GALNT2: variants seen among roughly 807,000 people sequenced by gnomAD.
GALNT2 encodes polypeptide N-acetylgalactosaminyltransferase 2, also known as UDP-GalNAc:polypeptide N-acetylgalactosaminyltransferase 2.
Under a neutral mutation model 81.4 loss-of-function variants are expected in GALNT2, and 31 were observed. The ratio of observed to expected loss-of-function variants is 0.38; its 90% CI spans 0.29 to 0.51. GALNT2 has a LOEUF of 0.51. Ranked by LOEUF, GALNT2 falls within the 20% of genes least tolerant of loss-of-function variation. The pLI is 0.87. For synonymous variants in GALNT2, 303 were observed against 287.4 expected, an observed-to-expected ratio of 1.05 and a Z score of -0.55; for missense variants, 629 against 765.7, an observed-to-expected ratio of 0.82 and a Z score of 2.11.
chr1:230,153,377 C>T (rs978372895), intron 1 of GALNT2, among the ~76,000 whole-genome samples: 3 of 152,238 alleles, frequency 2.0e-5, no homozygotes, highest in African/African-American at 7.2e-5. Context: ...TGGACACCTA[C>T]ACACTTAAAC....
rs1313929123 is a variant in GALNT2, at chr1:230,275,948, A to G, written c.1560+1384A>G. On this transcript the variant is annotated intron_variant, in intron 15 of 15. Transcript: ENST00000366672. This position sits in a 1 kb window ranked among gnomAD's most constrained non-coding sequence, Gnocchi z 5.5. ...ATACATACATATATACATGCCACAT[A>G]TATATACGTATATATACATGCCACA... Among the ~76,000 whole-genome samples the G allele has an allele frequency of 3.3e-5, 5 of 150,230 alleles. No homozygotes were observed. Among genetic ancestry groups the G allele is most frequent in the Non-Finnish European group, 7.4e-5 (5 of 67,672 alleles).
At chr1:230,259,791 T>C (rs1665823883) in intron 11 of GALNT2, 1 of 152,238 alleles carries the variant, frequency 6.6e-6, no homozygotes, top group Non-Finnish European at 1.5e-5. Flanking sequence ...AAGGCCAATC[T>C]TACGTTCTGC....
At chr1:230,059,360 G>A (rs1658989209) in intron 1 of GALNT2, among the ~76,000 whole-genome samples, 1 of 152,218 alleles carries the variant, frequency 6.6e-6, no homozygotes, top group African/African-American at 2.4e-5. Context: ...GACAGCCACG[G>A]TGCTGAACAG....
intron 1 of GALNT2, among the ~76,000 whole-genome samples, chr1:230,091,283 C>T (rs1660069454): frequency 6.6e-6 from 1 of 151,804 alleles, no homozygotes; most frequent in Non-Finnish European, 1.5e-5. Flanking sequence ...ACCGTGTTGG[C>T]CAGGATGGTC....
At chr1:230,167,182 G>A (rs757092448) in intron 1 of GALNT2, among the ~76,000 whole-genome samples, 6 of 151,166 alleles carry the variant, frequency 4.0e-5, no homozygotes, top group African/African-American at 7.3e-5. Context: ...CTCTTACTCT[G>A]TTGCCCAGGC....
intron 2 of GALNT2, among the ~76,000 whole-genome samples, chr1:230,178,853 C>T (rs146886292): frequency 7.2e-5 from 11 of 152,224 alleles, no homozygotes; most frequent in Middle Eastern, 6.8e-3. Context: ...TGCATAATGG[C>T]GTTTAGCCGC....
chr1:230,144,850 TTGGGGCAGAGGTTA>T (rs1661864284), intron 1 of GALNT2, among the ~76,000 whole-genome samples: 1 of 152,084 alleles, frequency 6.6e-6, no homozygotes, highest in Middle Eastern at 3.2e-3. Flanking sequence ...GGTGGTTGAT[TTGGGGCAGAGGTTA>T]TGGTGTTGCT....
chr1:230,130,366 A>G lies in GALNT2; in HGVS notation c.127-47852A>G, dbSNP rs376889566. 1.8e-4 allele frequency among the ~76,000 whole-genome samples: 28 copies of G among 152,292 alleles called. 1 individual carries two copies. The South Asian group carries it at 5.8e-3, about 32-fold the overall frequency. On this transcript the variant is annotated intron_variant, in intron 1 of 15. Coordinates refer to ENST00000366672, the MANE Select transcript of GALNT2 (RefSeq NM_004481.5). ...AGAAGCACTTAGCATGGGGTCTGGC[A>G]CTTAGAAAGCACTCACTAGATGCTC...
chr1:230,166,239 A>G (rs1010963821), intron 1 of GALNT2, among the ~76,000 whole-genome samples: 19 of 152,378 alleles, frequency 1.2e-4, no homozygotes, highest in African/African-American at 4.6e-4. Context: ...AATGTTAATG[A>G]GAAAATGTAC....
At chr1:230,229,340 A>T (rs147610891) in intron 3 of GALNT2, among the ~76,000 whole-genome samples, 6 of 152,240 alleles carry the variant, frequency 3.9e-5, no homozygotes, top group African/African-American at 1.4e-4. Flanking sequence ...ATAAGATGAT[A>T]TGTGGCCTCT....
At chr1:230,096,050 G>A (rs1660246752) in intron 1 of GALNT2, among the ~76,000 whole-genome samples, 1 of 152,226 alleles carries the variant, frequency 6.6e-6, no homozygotes, top group Non-Finnish European at 1.5e-5. Flanking sequence ...TGTGGGCCTG[G>A]CTGCTGGGAG....
In GALNT2 at chr1:230,216,422, G is replaced by A. The variant is rs915311130; in HGVS notation, c.374+13132G>A. Among the ~76,000 whole-genome samples, 35 of 152,114 alleles carry A rather than the reference G, an allele frequency of 2.3e-4. 1 individual carries two copies. Among genetic ancestry groups the A allele is most frequent in the South Asian group, 4.1e-4 (2 of 4,828 alleles). On this transcript the variant is annotated intron_variant, in intron 3 of 15. Transcript: ENST00000366672. The stretch of plus-strand genomic sequence containing the variant: ...ACATTCATTATTAAGTCAAAACACC[G>A]ATCTGTTCACTGGTGTAACTGACAA...
rs1663949978 is a variant in GALNT2, at chr1:230,203,030, A to G, written c.221-107A>G. 7 of 1,259,676 alleles carry G rather than the reference A, an allele frequency of 5.6e-6. No individual in the cohort carries two copies. The Admixed American group carries it at 1.1e-4, about 20-fold the overall frequency. 78.0% of individuals were successfully genotyped at this position (1,259,676 alleles called of 1,614,324 possible). ...TTGTTGTTTAAAATGGCCACTATATAAAGAAGCCATGGATGTGATTTCTGG... is the reference window on the plus strand; with the variant it reads ...TTGTTGTTTAAAATGGCCACTATATGAAGAAGCCATGGATGTGATTTCTGG... On this transcript the variant is annotated intron_variant, in intron 2 of 15. Transcript: ENST00000366672.
intron 1 of GALNT2, among the ~76,000 whole-genome samples, chr1:230,072,076 C>A (rs1659393099): frequency 6.6e-6 from 1 of 151,980 alleles, no homozygotes; most frequent in Non-Finnish European, 1.5e-5. Flanking sequence ...CTGTCAGTTT[C>A]CCCACCCTAG....
At chr1:230,174,873 G>A (rs763744790) in intron 1 of GALNT2, among the ~76,000 whole-genome samples, 1 of 152,112 alleles carries the variant, frequency 6.6e-6, no homozygotes, top group Non-Finnish European at 1.5e-5. Context: ...ACCCACCACC[G>A]CTAGTCCCCA....
intron 14 of GALNT2, among the ~76,000 whole-genome samples, chr1:230,272,701 C>T (rs148361989): frequency 1.8e-4 from 27 of 152,124 alleles, no homozygotes; most frequent in African/African-American, 6.3e-4. Flanking sequence ...TGGTGCATCC[C>T]GCCAGTGGTT....
intron 10 of GALNT2, among the ~76,000 whole-genome samples, chr1:230,252,748 T>TAGAGA (rs1665587503): frequency 6.6e-6 from 1 of 151,728 alleles, no homozygotes; most frequent in South Asian, 2.1e-4. Context: ...AGATTCCCCA[T>TAGAGA]AGAGAAGCCA....
intron 2 of GALNT2, among the ~76,000 whole-genome samples, chr1:230,181,791 G>C (rs780360651): frequency 2.6e-5 from 4 of 152,174 alleles, no homozygotes; most frequent in Admixed American, 2.0e-4. Flanking sequence ...TCTGTCTTCT[G>C]GAAGAGATTG....
At chr1:230,191,911 A>T (rs1663539562) in intron 2 of GALNT2, among the ~76,000 whole-genome samples, 1 of 152,238 alleles carries the variant, frequency 6.6e-6, no homozygotes, top group Non-Finnish European at 1.5e-5. Flanking sequence ...CCCCATGCTC[A>T]GCACCTCTTC....
Sources: gnomAD v4.1 joint callset for allele counts (sites outside exome capture counted in the v4.1 genomes callset) on GRCh38, gnomAD v4.1.1 for gene constraint, Gnocchi (gnomAD v3.1) non-coding constraint, MANE v1.5 for transcripts, NCBI Gene and HGNC (gene_info 2026-07-23, HGNC 2026-07-21) for gene names.